DLGAP3: variants seen among roughly 807,000 people sequenced by gnomAD.
DLGAP3 encodes the protein disks large-associated protein 3.
A neutral mutation model predicts 81.2 loss-of-function variants in DLGAP3; 17 were observed. That is an observed-to-expected ratio of 0.21 (90% CI 0.14 to 0.31). The LOEUF (loss-of-function observed/expected upper bound fraction) is 0.31. DLGAP3 is among the 10% of genes least tolerant of loss of function. The pLI is 1.00. For missense variants in DLGAP3, 1,124 were observed against 1,388.0 expected, an observed-to-expected ratio of 0.81 and a Z score of 3.02; for synonymous variants, 577 against 587.4, an observed-to-expected ratio of 0.98 and a Z score of 0.26.
In DLGAP3 at chr1:34,904,440, C is replaced by T. The variant is rs1315738660; in HGVS notation, c.944G>A (p.Cys315Tyr). ...ATCCAGTGACATGGACATGCCAGTG[C>T]AGGCAAGGCAGCGGCCTTCCGACCC... The part of the protein sequence containing the change: ...SGGSEGRCLA[C>Y]TGMSMSLDGQ... The change falls in exon 3 of 12, where the codon TGC (cysteine) becomes TAC (tyrosine). Residue 315 changes from cysteine to tyrosine, a missense_variant. Physicochemically the swap from Cys to Tyr is radical, Grantham distance 194 (BLOSUM62 -2). This residue lies in a region of DLGAP3 where 357 missense variants were observed against 408.8 expected (regional missense o/e 0.87). Coordinates refer to ENST00000373347, the MANE Select transcript of DLGAP3 (RefSeq NM_001080418.3). This position sits in a 1 kb window ranked among gnomAD's most constrained non-coding sequence, Gnocchi z 8.1. 1 of 1,614,112 alleles carries T rather than the reference C, an allele frequency of 6.2e-7. No homozygotes were observed. Among genetic ancestry groups the T allele is most frequent in the Non-Finnish European group, 8.5e-7 (1 of 1,180,034 alleles).
chr1:34,872,974 G>T (rs957060342), intron 8 of DLGAP3, among the ~76,000 whole-genome samples: 1 of 152,212 alleles, frequency 6.6e-6, no homozygotes, highest in Non-Finnish European at 1.5e-5. Context: ...CCTGTAAAGA[G>T]AAATGAAATG....
chr1:34,867,181 G>A lies in DLGAP3; in HGVS notation c.2588C>T (p.Ala863Val), dbSNP rs1159555962. The change falls in exon 11 of 12, where the codon GCG becomes GTG. Residue 863 changes from alanine (A) to valine (V), a missense_variant. Coordinates refer to ENST00000373347, the MANE Select transcript of DLGAP3 (RefSeq NM_001080418.3). This position sits in a 1 kb window ranked among gnomAD's most constrained non-coding sequence, Gnocchi z 4.3. ...GTCCTGGAAGGTGGGCACAGGGAAC[G>A]CAGTGGGATCCTGCAACAGAGGAAG... The part of the protein sequence containing the change: ...RLCQQSMDPT[A>V]FPVPTFQDLA... 8 of 1,614,048 alleles carry A rather than the reference G, an allele frequency of 5.0e-6. No homozygotes were observed. Among genetic ancestry groups the A allele is most frequent in the African/African-American group, 1.3e-5 (1 of 74,922 alleles).
chr1:34,926,764 T>A (rs1178308443), intron 1 of DLGAP3, among the ~76,000 whole-genome samples: 1 of 152,172 alleles, frequency 6.6e-6, no homozygotes, highest in African/African-American at 2.4e-5. Flanking sequence ...AATCCCTTTA[T>A]CATTTGTCCT....
At chr1:34,879,264 T>G (rs1370425099) in intron 8 of DLGAP3, among the ~76,000 whole-genome samples, 1 of 152,158 alleles carries the variant, frequency 6.6e-6, no homozygotes, top group African/African-American at 2.4e-5. Context: ...CTTGTTTTCC[T>G]GCAACTAGAC....
chr1:34,904,883 A>T lies in DLGAP3; in HGVS notation c.501T>A (p.Pro167=). The change falls in exon 3 of 12, where the codon CCT becomes CCA. Residue 167 remains proline, a synonymous_variant. Transcript: ENST00000373347. The surrounding 1 kb of genome is among the most constrained non-coding windows in gnomAD (Gnocchi z 8.1). ...AATGAACCAGGTGCCGGATGCGGCT[A>T]GGGCTCTCACTGCGGGGCTCTGGGG... ...GTAPEPRSES[P]SRIRHLVHSV... 1 of 1,610,990 alleles carries T rather than the reference A, an allele frequency of 6.2e-7. No homozygotes were observed. Among genetic ancestry groups the T allele is most frequent in the South Asian group, 1.1e-5 (1 of 91,082 alleles).
In DLGAP3 at chr1:34,873,326, G is replaced by T. The variant is rs1189732921; in HGVS notation, c.2001-4237C>A. ...TGGGGGGTGGTTATCTGCTGGAGATGTCTGGGGAGTAGGGGAAGGAATGAA... is the reference window on the plus strand; with the variant it reads ...TGGGGGGTGGTTATCTGCTGGAGATTTCTGGGGAGTAGGGGAAGGAATGAA... On this transcript the variant is annotated intron_variant, in intron 8 of 11. Coordinates refer to ENST00000373347, the MANE Select transcript of DLGAP3 (RefSeq NM_001080418.3). This position sits in a 1 kb window ranked among gnomAD's most constrained non-coding sequence, Gnocchi z 4.2. Among the ~76,000 whole-genome samples, 1 of 152,220 alleles carries T rather than the reference G, an allele frequency of 6.6e-6. No individual in the cohort carries two copies. Among genetic ancestry groups the T allele is most frequent in the Non-Finnish European group, 1.5e-5 (1 of 68,050 alleles).
intron 8 of DLGAP3, among the ~76,000 whole-genome samples, chr1:34,879,551 A>AT (rs1639114378): frequency 6.6e-6 from 1 of 152,224 alleles, no homozygotes; most frequent in Non-Finnish European, 1.5e-5. Flanking sequence ...CATGATATAT[A>AT]TACATATGAT....
In DLGAP3 at chr1:34,904,790, G is replaced by C; in HGVS notation, c.594C>G (p.Pro198=). ...CAGAGCCACCTCTTCCCTCAGCCTT[G>C]GGCCCATTATAGTCCCGCTTCCCCG... The part of the protein sequence containing the change: ...EAPGKRDYNG[P]KAEGRGGSGG... Residue 198 remains proline, a synonymous_variant, in exon 3 of 12, where the codon CCC becomes CCG. Transcript: ENST00000373347. This position sits in a 1 kb window ranked among gnomAD's most constrained non-coding sequence, Gnocchi z 8.1. 1 of 1,610,966 alleles carries C rather than the reference G, an allele frequency of 6.2e-7. No homozygotes were observed. The highest frequency in any genetic ancestry group is 8.5e-7 in the Non-Finnish European group (1 of 1,180,012).
In DLGAP3 at chr1:34,867,724, T is replaced by A. The variant is rs571264678; in HGVS notation, c.2486-97A>T. ...GAATGACGCTGACCCCTCGGTTGCT[T>A]GGCACTGTGTATCCATCAGTCTCCT... On this transcript the variant is annotated intron_variant, in intron 9 of 11. Transcript: ENST00000373347. This position sits in a 1 kb window ranked among gnomAD's most constrained non-coding sequence, Gnocchi z 4.3. 2.0e-6 allele frequency: 2 copies of A among 985,600 alleles called. No homozygotes were observed. Among genetic ancestry groups the A allele is most frequent in the South Asian group, 1.3e-5 (1 of 77,832 alleles). 61.1% of individuals were successfully genotyped at this position (985,600 alleles called of 1,614,324 possible). A position where few individuals can be genotyped will look rare whatever the true frequency, so the allele number is the denominator to read the frequency against.
Position 34,900,077 on chromosome 1 carries a change from G to T in DLGAP3, c.1304C>A (p.Ala435Asp). 1 of 1,613,120 alleles carries T rather than the reference G, an allele frequency of 6.2e-7. No individual in the cohort carries two copies. Among genetic ancestry groups the T allele is most frequent in the African/African-American group, 1.3e-5 (1 of 75,040 alleles). ...TTRRSSSVDQ[A>D]RINCCVPPRI... ...CCCTCCCTGTCCTTACTTGATCCTG[G>T]CCTGGTCCACGCTGGAGGAGCGACG... Residue 435 changes from alanine (A) to aspartate (D), a missense_variant, in exon 4 of 12, where the codon GCC becomes GAC. By Grantham distance (126) the Ala-to-Asp change is moderately radical. This residue lies in a region of DLGAP3 where 357 missense variants were observed against 408.8 expected (regional missense o/e 0.87). Transcript: ENST00000373347. This position sits in a 1 kb window ranked among gnomAD's most constrained non-coding sequence, Gnocchi z 5.6.
At chr1:34,885,098 G>A (rs752968812) in intron 7 of DLGAP3, 35 bp from the exon 8 acceptor site, 1 of 1,582,842 alleles carries the variant, frequency 6.3e-7, no homozygotes, top group Non-Finnish European at 8.7e-7. Context: ...TGGCTGTGGC[G>A]AGCCAAGGTG....
intron 8 of DLGAP3, among the ~76,000 whole-genome samples, chr1:34,870,810 T>C (rs1262742391): frequency 1.3e-5 from 2 of 152,226 alleles, no homozygotes; most frequent in African/African-American, 4.8e-5. Context: ...CCTCCATCAG[T>C]ACCCTGCAGA....
chr1:34,878,443 TAAAAAAGACTTCAAGGC>T (rs367595168), intron 8 of DLGAP3, among the ~76,000 whole-genome samples: 5 of 148,948 alleles, frequency 3.4e-5, no homozygotes, highest in African/African-American at 1.2e-4. Context: ...AAAAATCAGG[TAAAAAAGACTTCAAGGC>T]AAAAGCCATT....
chr1:34,894,234 T>A (rs1450550892), intron 5 of DLGAP3, among the ~76,000 whole-genome samples: 2 of 123,452 alleles, frequency 1.6e-5, no homozygotes, highest in East Asian at 4.7e-4. Flanking sequence ...ACAAAAACAC[T>A]CATTCAAAAG....
chr1:34,889,973 C>T (rs1012157656), intron 5 of DLGAP3, among the ~76,000 whole-genome samples: 3 of 151,998 alleles, frequency 2.0e-5, no homozygotes, highest in Non-Finnish European at 2.9e-5. Flanking sequence ...CCACATGAAG[C>T]GTGGAATTGG....
chr1:34,904,747 C>A lies in DLGAP3; in HGVS notation c.637G>T (p.Gly213Cys). ...GTGTGGGGGCCTCCAGAGCCCGGGC[C>A]GGGGTAGCTGTCTCCTCCAGAGCCA... is the stretch of plus-strand genomic sequence containing the variant. ...RGGSGGDSYP[G>C]PGSGGPHTSH... The change falls in exon 3 of 12, where the codon GGC becomes TGC. Residue 213 changes from glycine to cysteine, a missense_variant. Physicochemically the swap from Gly to Cys is radical, Grantham distance 159 (BLOSUM62 -3). Around this residue, in one of 9 missense-constraint regions of DLGAP3, gnomAD observed 357 missense variants for 408.8 expected, o/e 0.87. Coordinates refer to ENST00000373347, the MANE Select transcript of DLGAP3 (RefSeq NM_001080418.3). The surrounding 1 kb of genome is among the most constrained non-coding windows in gnomAD (Gnocchi z 8.1). 2 of 1,611,760 alleles carry A rather than the reference C, an allele frequency of 1.2e-6. No homozygotes were observed. The highest frequency in any genetic ancestry group is 1.7e-6 in the Non-Finnish European group (2 of 1,180,004).
intron 5 of DLGAP3, among the ~76,000 whole-genome samples, chr1:34,891,284 G>A (rs1235981273): frequency 6.6e-6 from 1 of 152,226 alleles, no homozygotes; most frequent in East Asian, 1.9e-4. Context: ...GGTGCCGCCT[G>A]TGAAAAATCA....
intron 8 of DLGAP3, among the ~76,000 whole-genome samples, chr1:34,883,204 G>A (rs1264641242): frequency 6.6e-6 from 1 of 152,128 alleles, no homozygotes; most frequent in Non-Finnish European, 1.5e-5. Context: ...CTTCTGTGAG[G>A]GCAGAAGTCA....
At chr1:34,885,148 C>A in intron 7 of DLGAP3, 85 bp from the exon 8 acceptor site, 1 of 1,308,052 alleles carries the variant, frequency 7.6e-7, no homozygotes, top group South Asian at 1.2e-5. Context: ...ATGGCTGCGC[C>A]CCAAGCCAGC....
Sources: gnomAD v4.1 joint callset for allele counts (sites outside exome capture counted in the v4.1 genomes callset) on GRCh38, gnomAD v4.1.1 for gene constraint, gnomAD v4.1.1 regional missense constraint, Gnocchi (gnomAD v3.1) non-coding constraint, MANE v1.5 for transcripts, NCBI Gene and HGNC (gene_info 2026-07-23, HGNC 2026-07-21) for gene names.